The following HEATR1 variants were observed in gnomAD, a reference collection of about 807,000 sequenced individuals.
The protein encoded by HEATR1 is HEAT repeat containing 1.
A neutral mutation model predicts 248.2 loss-of-function variants in HEATR1; 77 were observed. The observed-to-expected ratio is 0.31, with a 90% confidence interval of 0.26 to 0.37. HEATR1 has a LOEUF of 0.37. Ranked by LOEUF, HEATR1 falls within the 10% of genes least tolerant of loss-of-function variation. HEATR1 has a pLI of 1.00. For missense variants in HEATR1, 2,420 were observed against 2,504.9 expected (o/e 0.97, Z 0.72); for synonymous variants, 897 against 923.1 (o/e 0.97, Z 0.51).
intron 38 of HEATR1, 71 bp downstream of exon 38, chr1:236,556,026 CTTT>C (rs992102614): frequency 8.6e-5 from 138 of 1,606,178 alleles, no homozygotes; most frequent in African/African-American, 1.5e-4. Flanking sequence ...AAATCTTCTT[CTTT>C]AAGTCAAAGT....
intron 4 of HEATR1, among the ~76,000 whole-genome samples, chr1:236,598,812 C>T (rs1664243931): frequency 6.6e-6 from 1 of 152,176 alleles, no homozygotes; most frequent in Admixed American, 6.5e-5. Flanking sequence ...CCTGGATCAC[C>T]ATGCCCAACA....
chr1:236,604,226 A>C (rs1488688073), intron 1 of HEATR1, 99 bp from the exon 2 acceptor site: 2 of 911,536 alleles, frequency 2.2e-6, no homozygotes, highest in African/African-American at 3.5e-5. Context: ...ATGGACACAC[A>C]ACGCGGGTGT....
At chr1:236,555,747 G>T in intron 39 of HEATR1, 58 bp downstream of exon 39, 1 of 1,609,358 alleles carries the variant, frequency 6.2e-7, no homozygotes, top group South Asian at 1.1e-5. Context: ...GATTGTTCTC[G>T]GACTCTTCAA....
intron 20 of HEATR1, among the ~76,000 whole-genome samples, chr1:236,580,828 T>TTTTTTTTTTC (rs1435922169): frequency 4.1e-5 from 6 of 147,608 alleles, no homozygotes; most frequent in African/African-American, 1.5e-4. Flanking sequence ...TTATCGATTT[T>TTTTTTTTTTC]TTTTTTTTTT....
At chr1:236,564,389 G>T in intron 32 of HEATR1, 109 bp downstream of exon 32, 1 of 865,162 alleles carries the variant, frequency 1.2e-6, no homozygotes, top group Non-Finnish European at 1.8e-6. Context: ...CTTTAAAGGC[G>T]TGCCTCCCAT....
chr1:236,572,838 T>C lies in HEATR1; in HGVS notation c.3460-10A>G, dbSNP rs748044935. ...CAGCATTAACGGAAATCTGAAATAT[T>C]GAAGGAAGAAGAGTTGATGATATAA... On this transcript the variant is annotated splice_polypyrimidine_tract_variant and intron_variant, in intron 24 of 44. Coordinates refer to ENST00000366582, the MANE Select transcript of HEATR1 (RefSeq NM_018072.6). The C allele has an allele frequency of 7.1e-5, 114 of 1,605,930 alleles. No individual in the cohort carries two copies. The highest frequency in any genetic ancestry group is 9.2e-5 in the Non-Finnish European group (108 of 1,172,766).
Position 236,550,899 on chromosome 1 carries a change from G to C in HEATR1, c.*3C>G. 6.3e-7 allele frequency: 1 copy of C among 1,589,416 alleles called. No homozygotes were observed. Among genetic ancestry groups the C allele is most frequent in the East Asian group, 2.2e-5 (1 of 44,562 alleles). On this transcript the variant is annotated 3_prime_UTR_variant, in exon 45 of 45. Transcript: ENST00000366582. ...AGTAGAGTATGAAACACCACAGAAA[G>C]TCTTAGAAATAGCTCTGGAGTGGCT...
chr1:236,593,554 C>T (rs1664095531), intron 9 of HEATR1, among the ~76,000 whole-genome samples: 1 of 124,332 alleles, frequency 8.0e-6, no homozygotes, highest in East Asian at 2.6e-4. Flanking sequence ...ACGCCTACAT[C>T]TTTTCACTGT....
intron 9 of HEATR1, among the ~76,000 whole-genome samples, chr1:236,593,584 G>GAAAAAAAAAAAAAA (rs534009257): frequency 1.1e-5 from 1 of 90,822 alleles, no homozygotes; most frequent in Non-Finnish European, 2.2e-5. Context: ...CCCATTAAGA[G>GAAAAAAAAAAAAAA]AAAAAAAAAA....
intron 19 of HEATR1, among the ~76,000 whole-genome samples, chr1:236,582,012 C>T (rs1351995046): frequency 7.2e-6 from 1 of 138,738 alleles, no homozygotes; most frequent in Admixed American, 7.2e-5. Context: ...TTTTACAGGG[C>T]CCGTGCTATT....
rs973835533 is a variant in HEATR1, at chr1:236,549,359, A to G, written c.*1543T>C. The G allele has an allele frequency of 5.7e-6, 1 of 176,254 alleles. No homozygotes were observed. The highest frequency in any genetic ancestry group is 2.3e-5 in the African/African-American group (1 of 42,596). The allele number at this position is 176,254 out of a possible 1,614,324, so 10.9% of individuals were successfully genotyped here. A position where few individuals can be genotyped will look rare whatever the true frequency, so the allele number is the denominator to read the frequency against. ...ATCTTTACAGGTCAGATCTTGTTAC[A>G]GGAAATTTCAAAGGTTTGGGAGTGG... On this transcript the variant is annotated 3_prime_UTR_variant, in exon 45 of 45. Coordinates refer to ENST00000366582, the MANE Select transcript of HEATR1 (RefSeq NM_018072.6).
intron 1 of HEATR1, 89 bp downstream of exon 1, chr1:236,604,333 C>T (rs908480432): frequency 3.0e-5 from 12 of 404,390 alleles, no homozygotes; most frequent in Non-Finnish European, 5.2e-5. Context: ...TCCTTCAACC[C>T]TGATTCCGCA....
At chr1:236,599,961 C>T (rs1474117994) in intron 3 of HEATR1, among the ~76,000 whole-genome samples, 6 of 151,922 alleles carry the variant, frequency 3.9e-5, no homozygotes, top group Non-Finnish European at 7.4e-5. Flanking sequence ...GGCACGATCA[C>T]GGGTCACTGC....
At position 236,549,134 on chromosome 1, in the gene HEATR1, A is replaced by C. The variant is rs1427825742; in HGVS notation, c.*1768T>G. The C allele has an allele frequency of 3.0e-5, 12 of 396,830 alleles. No individual in the cohort carries two copies. The East Asian group carries it at 4.3e-4, about 14-fold the overall frequency. The allele number at this position is 396,830 out of a possible 1,614,324, so 24.6% of individuals were successfully genotyped here. A position where few individuals can be genotyped will look rare whatever the true frequency, so the allele number is the denominator to read the frequency against. ...ACAAAGCAGGCAGAGGTAATGCAGA[A>C]ATCTGTTTTGTTCCCATGAAATCAC... is the stretch of plus-strand genomic sequence containing the variant. On this transcript the variant is annotated 3_prime_UTR_variant, in exon 45 of 45. Coordinates refer to ENST00000366582, the MANE Select transcript of HEATR1 (RefSeq NM_018072.6).
At chr1:236,583,725 G>A (rs1663815398) in intron 17 of HEATR1, among the ~76,000 whole-genome samples, 1 of 152,020 alleles carries the variant, frequency 6.6e-6, no homozygotes, top group Admixed American at 6.6e-5. Flanking sequence ...GTCCTCAGAT[G>A]ATCCACCCGC....
At chr1:236,587,907 T>A (rs1186060502) in intron 13 of HEATR1, 41 bp downstream of exon 13, 21 of 1,429,662 alleles carry the variant, frequency 1.5e-5, no homozygotes, top group Non-Finnish European at 1.8e-5. Context: ...GCAAGGAAAT[T>A]TACAAAATTG....
At chr1:236,561,521 C>T (rs1443728812) in intron 32 of HEATR1, among the ~76,000 whole-genome samples, 6 of 152,158 alleles carry the variant, frequency 3.9e-5, no homozygotes, top group African/African-American at 1.4e-4. Context: ...ATACAGCAAT[C>T]AACACTCAAT....
intron 3 of HEATR1, among the ~76,000 whole-genome samples, chr1:236,600,539 A>AT (rs112529952): frequency 2.1e-3 from 284 of 137,024 alleles, no homozygotes; most frequent in Middle Eastern, 4.0e-3. Flanking sequence ...CTTTTATTAG[A>AT]TTTTTTTTTT....
chr1:236,573,561 T>G (rs1572040754), intron 24 of HEATR1, among the ~76,000 whole-genome samples: 1 of 152,076 alleles, frequency 6.6e-6, no homozygotes, highest in Admixed American at 6.5e-5. Flanking sequence ...TCTAATGGCA[T>G]TGTAGTCATA....
Sources: allele counts gnomAD v4.1 joint callset (sites outside exome capture counted in the v4.1 genomes callset), GRCh38; gene constraint gnomAD v4.1.1; transcripts MANE v1.5; gene names NCBI Gene and HGNC (gene_info 2026-07-23, HGNC 2026-07-21).